The following DIP2C variants were observed in gnomAD, a reference collection of about 807,000 sequenced individuals.
DIP2C encodes DIP2 acetate--CoA ligase C (putative).
In DIP2C, 33 loss-of-function variants were observed where a neutral mutation model predicts 192.4. That is an observed-to-expected ratio of 0.17 (90% CI 0.13 to 0.23). The LOEUF (loss-of-function observed/expected upper bound fraction) is 0.23, where lower values mean the gene tolerates loss of function less well. Among genes scored for constraint, DIP2C ranks in the 10% least tolerant of loss-of-function variants. The pLI, the probability that DIP2C is intolerant of heterozygous loss-of-function variation, is 1.00. For synonymous variants in DIP2C, 979 were observed against 864.1 expected, an observed-to-expected ratio of 1.13 and a Z score of -2.33; for missense variants, 1,537 against 2,110.1, an observed-to-expected ratio of 0.73 and a Z score of 5.32.
At chr10:303,751 G>A (rs563572487) in intron 32 of DIP2C, among the ~76,000 whole-genome samples, 4 of 152,210 alleles carry the variant, frequency 2.6e-5, no homozygotes, top group African/African-American at 4.8e-5. Context: ...TCGAACTCCC[G>A]ACCTCAGGTG....
chr10:627,777 C>T lies in DIP2C; in HGVS notation c.85+61717G>A, dbSNP rs550526503. Among the ~76,000 whole-genome samples, 4 of 152,372 alleles carry T rather than the reference C, an allele frequency of 2.6e-5. No individual in the cohort carries two copies. The East Asian group carries it at 7.7e-4, about 29-fold the overall frequency. On this transcript the variant is annotated intron_variant, in intron 1 of 36. Coordinates refer to ENST00000280886, the MANE Select transcript of DIP2C (RefSeq NM_014974.3). ...CCTGCCAGACGTCACAAACAGACCG[C>T]ACGGCTCAGCCACGTGGACGCTTAC...
chr10:371,066 C>G (rs1286196062), intron 17 of DIP2C, among the ~76,000 whole-genome samples: 1 of 152,168 alleles, frequency 6.6e-6, no homozygotes, highest in African/African-American at 2.4e-5. Context: ...CCATTATCCT[C>G]CTGGCCTTTA....
intron 1 of DIP2C, among the ~76,000 whole-genome samples, chr10:648,231 C>CTG (rs1444379893): frequency 3.4e-5 from 5 of 145,732 alleles, no homozygotes; most frequent in Admixed American, 1.4e-4. Flanking sequence ...CAGAGGGAAA[C>CTG]AGTCCAAGTC....
intron 31 of DIP2C, among the ~76,000 whole-genome samples, chr10:313,065 G>C (rs147924617): frequency 1.3e-5 from 2 of 152,104 alleles, no homozygotes; most frequent in Non-Finnish European, 2.9e-5. Context: ...ACATGAAGGA[G>C]ATAAAGAGGT....
rs1486658770 is a variant in DIP2C at position 277,048 on chromosome 10, GAAAGA to G, written c.*272_*276del. The G allele has an allele frequency of 1.8e-4, 57 of 309,632 alleles. No individual in the cohort carries two copies. The highest frequency in any genetic ancestry group is 5.4e-4 in the African/African-American group (17 of 31,658). The allele number at this position is 309,632 out of a possible 1,614,324, so 19.2% of individuals were successfully genotyped here. ...CACTTATTATCCAATAATTAAAAAA[GAAAGA>G]AAAGAAAAGAAAGTTTTGAAATGGG... On this transcript the variant is annotated 3_prime_UTR_variant, in exon 37 of 37. Coordinates refer to ENST00000280886, the MANE Select transcript of DIP2C (RefSeq NM_014974.3).
chr10:430,353 C>T (rs777076155), intron 4 of DIP2C: 1 of 152,148 alleles, frequency 6.6e-6, no homozygotes, highest in Non-Finnish European at 1.5e-5. Flanking sequence ...GCTAGTTCAC[C>T]CCTCCCAGGA....
At chr10:417,064 C>T (rs144152859) in intron 6 of DIP2C, among the ~76,000 whole-genome samples, 9 of 152,228 alleles carry the variant, frequency 5.9e-5, no homozygotes, top group African/African-American at 2.2e-4. Context: ...TCTGAAAATA[C>T]AGAAAAACAC....
At chr10:286,674 T>G (rs1955153755) in intron 33 of DIP2C, among the ~76,000 whole-genome samples, 1 of 152,306 alleles carries the variant, frequency 6.6e-6, no homozygotes, top group South Asian at 2.1e-4. Flanking sequence ...AACAAAAACA[T>G]GGTAAATGAT....
intron 1 of DIP2C, among the ~76,000 whole-genome samples, chr10:520,615 A>T (rs1846640999): frequency 6.6e-6 from 1 of 152,170 alleles, no homozygotes; most frequent in African/African-American, 2.4e-5. Flanking sequence ...CTGTCTGAGC[A>T]GCTCCCTGCT....
chr10:677,528 A>T (rs1170045583), intron 1 of DIP2C, among the ~76,000 whole-genome samples: 1 of 152,216 alleles, frequency 6.6e-6, no homozygotes, highest in Non-Finnish European at 1.5e-5. Context: ...AGAATCCAGC[A>T]TGATGTACTG....
chr10:297,236 C>CCACACACACA (rs1564520176), intron 32 of DIP2C, among the ~76,000 whole-genome samples: 3 of 73,352 alleles, frequency 4.1e-5, no homozygotes, highest in African/African-American at 7.2e-5. Flanking sequence ...CCCCACCCCA[C>CCACACACACA]CACATACACA....
chr10:473,026 T>C (rs933827421), intron 2 of DIP2C, among the ~76,000 whole-genome samples: 3 of 151,982 alleles, frequency 2.0e-5, no homozygotes, highest in African/African-American at 4.9e-5. Context: ...AACCAGGACA[T>C]ACCATGAACG....
chr10:468,072 T>G (rs144267173), intron 3 of DIP2C, among the ~76,000 whole-genome samples: 1,689 of 152,256 alleles, frequency 0.011, 38 homozygotes, highest in African/African-American at 0.039. Flanking sequence ...GCCCTTTCCT[T>G]GTGAATGATT....
chr10:298,499 A>AGAGAG (rs2132249765), intron 32 of DIP2C, among the ~76,000 whole-genome samples: 2 of 152,270 alleles, frequency 1.3e-5, no homozygotes, highest in South Asian at 4.2e-4. Flanking sequence ...AGCCCATGCC[A>AGAGAG]GAGAGGAGAG....
chr10:334,657 G>A (rs1199939588), intron 29 of DIP2C, among the ~76,000 whole-genome samples: 2 of 152,112 alleles, frequency 1.3e-5, no homozygotes, highest in East Asian at 1.9e-4. Context: ...GTGAATGTCC[G>A]AATTTCCCAG....
chr10:527,184 C>T lies in DIP2C; in HGVS notation c.86-40654G>A, dbSNP rs116862932. 6.8e-4 allele frequency among the ~76,000 whole-genome samples: 104 copies of T among 152,348 alleles called. 1 individual carries two copies. The East Asian group carries it at 0.014, about 21-fold the overall frequency. On this transcript the variant is annotated intron_variant, in intron 1 of 36. Transcript: ENST00000280886. ...CAGCTCACAAAGGCCCCGTACCGTG[C>T]GAAGTGCGGCAGTGGGTGCATCTGC...
chr10:329,399 C>T, intron 30 of DIP2C, 34 bp downstream of exon 30: 1 of 1,590,670 alleles, frequency 6.3e-7, no homozygotes, highest in Non-Finnish European at 8.6e-7. Flanking sequence ...CCTGTGGGCT[C>T]ACAGGGCACT....
intron 1 of DIP2C, among the ~76,000 whole-genome samples, chr10:528,736 A>C (rs1336564964): frequency 6.6e-6 from 1 of 152,172 alleles, no homozygotes; most frequent in Non-Finnish European, 1.5e-5. Context: ...ACAACGGTGC[A>C]GTGTGCCCCA....
chr10:678,650 ACCTGTCCTCCCTGTG>A (rs1830965821), intron 1 of DIP2C, among the ~76,000 whole-genome samples: 2 of 15,308 alleles, frequency 1.3e-4, no homozygotes, highest in Admixed American at 1.2e-3. Context: ...TGCTCCCCGC[ACCTGTCCTCCCTGTG>A]CCCAGCTCCC....
Sources: gnomAD v4.1 joint callset for allele counts (sites outside exome capture counted in the v4.1 genomes callset) on GRCh38, gnomAD v4.1.1 for gene constraint, MANE v1.5 for transcripts, NCBI Gene and HGNC (gene_info 2026-07-23, HGNC 2026-07-21) for gene names.